Variants in MAP2K1 observed in about 807,000 individuals in gnomAD.
MAP2K1 encodes the protein dual specificity mitogen-activated protein kinase kinase 1.
Under a neutral mutation model 46.3 loss-of-function variants are expected in MAP2K1, and 16 were observed. The observed-to-expected ratio is 0.35, with a 90% CI of 0.23 to 0.52. MAP2K1 has a LOEUF of 0.52. Among genes scored for constraint, MAP2K1 ranks in the 20% least tolerant of loss-of-function variants. The pLI, the probability that MAP2K1 is intolerant of heterozygous loss-of-function variation, is 0.94. For missense variants in MAP2K1, 263 were observed against 497.1 expected, an observed-to-expected ratio of 0.53 and a Z score of 4.48; for synonymous variants, 183 against 185.6, an observed-to-expected ratio of 0.99 and a Z score of 0.11.
intron 1 of MAP2K1, among the ~76,000 whole-genome samples, chr15:66,401,631 A>G (rs562556361): frequency 3.2e-4 from 49 of 152,116 alleles, no homozygotes; most frequent in Non-Finnish European, 5.6e-4. Context: ...GGAGCACAAG[A>G]AGGAGGAAAC....
chr15:66,422,932 T>A (rs1175631988), intron 1 of MAP2K1, among the ~76,000 whole-genome samples: 1 of 152,142 alleles, frequency 6.6e-6, no homozygotes, highest in Non-Finnish European at 1.5e-5. Flanking sequence ...TTTTTTTTGC[T>A]TTAGTTTGGT....
At chr15:66,411,375 G>A (rs1439408626) in intron 1 of MAP2K1, among the ~76,000 whole-genome samples, 5 of 152,212 alleles carry the variant, frequency 3.3e-5, no homozygotes, top group African/African-American at 1.2e-4. Context: ...TTCCCAGGAA[G>A]TAGCTTCTTA....
chr15:66,481,264 A>G (rs1426656375), intron 5 of MAP2K1, among the ~76,000 whole-genome samples: 1 of 152,186 alleles, frequency 6.6e-6, no homozygotes, highest in Non-Finnish European at 1.5e-5. Flanking sequence ...CACATGCTCC[A>G]TGCCTGGTGC....
At chr15:66,442,030 G>T (rs1201446584) in intron 3 of MAP2K1, among the ~76,000 whole-genome samples, 1 of 152,128 alleles carries the variant, frequency 6.6e-6, no homozygotes, top group Non-Finnish European at 1.5e-5. Flanking sequence ...CCCTTAACGG[G>T]AGCCCCTGGT....
At position 66,387,200 on chromosome 15, in the gene MAP2K1, G is replaced by GGAC. The variant is rs983840717; in HGVS notation, c.-147_-145dup. The stretch of plus-strand genomic sequence containing the variant: ...CGCTACCGGCCCCTCGGCGCTGACG[G>GGAC]GACCGCGCGGGGCGCACCCGCTGAA... On this transcript the variant is annotated 5_prime_UTR_variant, in exon 1 of 11. Transcript: ENST00000307102. 7 of 581,938 alleles carry GGAC rather than the reference G, an allele frequency of 1.2e-5. No homozygotes were observed. The highest frequency in any genetic ancestry group is 2.1e-5 in the Non-Finnish European group (7 of 340,812). 36.0% of individuals were successfully genotyped at this position (581,938 alleles called of 1,614,324 possible).
chr15:66,404,974 G>C (rs536562082), intron 1 of MAP2K1, among the ~76,000 whole-genome samples: 22 of 152,288 alleles, frequency 1.4e-4, no homozygotes, highest in African/African-American at 5.1e-4. Context: ...AAAGAGAGTA[G>C]GATAAGTCAG....
At chr15:66,409,862 AT>A (rs1595844972) in intron 1 of MAP2K1, among the ~76,000 whole-genome samples, 1 of 152,216 alleles carries the variant, frequency 6.6e-6, no homozygotes, top group Non-Finnish European at 1.5e-5. Context: ...TTTTTAAAGA[AT>A]TTTTTTCTGT....
rs749505069 is a variant in MAP2K1 at position 66,436,734 on chromosome 15, A to G, written c.292-12A>G. ...CTTTCATAAAACCTCTCTTTCTTCC[A>G]CCTTTCTCCAGCTAATTCATCTGGA... On this transcript the variant is annotated splice_polypyrimidine_tract_variant and intron_variant, in intron 2 of 10. Coordinates refer to ENST00000307102, the MANE Select transcript of MAP2K1 (RefSeq NM_002755.4). The G allele has an allele frequency of 6.6e-5, 106 of 1,613,308 alleles. No individual in the cohort carries two copies. Among genetic ancestry groups the G allele is most frequent in the Non-Finnish European group, 5.1e-6 (6 of 1,179,696 alleles).
At chr15:66,475,397 T>G (rs1335196251) in intron 5 of MAP2K1, among the ~76,000 whole-genome samples, 2 of 152,192 alleles carry the variant, frequency 1.3e-5, no homozygotes, top group Non-Finnish European at 2.9e-5. Flanking sequence ...GGATTCAGCC[T>G]TTGTCACAGA....
At chr15:66,472,522 C>T (rs891606961) in intron 5 of MAP2K1, among the ~76,000 whole-genome samples, 1 of 152,042 alleles carries the variant, frequency 6.6e-6, no homozygotes, top group Non-Finnish European at 1.5e-5. Context: ...ATGAGATCAC[C>T]GTGGCCAGGT....
chr15:66,400,944 GA>G (rs1595840022), intron 1 of MAP2K1, among the ~76,000 whole-genome samples: 1 of 152,258 alleles, frequency 6.6e-6, no homozygotes, highest in East Asian at 1.9e-4. Flanking sequence ...TAAAATTTTT[GA>G]ATGTATGAAT....
At chr15:66,414,275 GT>G (rs2093419342) in intron 1 of MAP2K1, among the ~76,000 whole-genome samples, 2 of 118,954 alleles carry the variant, frequency 1.7e-5, no homozygotes, top group African/African-American at 5.6e-5. Flanking sequence ...AATCTAAGGG[GT>G]TTCCTGACCA....
Position 66,413,786 on chromosome 15 carries a change from G to A in MAP2K1, c.81-21241G>A, listed in dbSNP as rs117202766. 4.7e-4 allele frequency among the ~76,000 whole-genome samples: 71 copies of A among 152,282 alleles called. 3 individuals carry two copies. In the East Asian group the frequency reaches 0.013, roughly 27 times the overall value. On this transcript the variant is annotated intron_variant, in intron 1 of 10. Transcript: ENST00000307102. Reference sequence around the variant, plus strand: ...GTGTGTGATACAGCACAGGCTATGGGAACTCAAAGGGTGAGTGACTAACGC... The same window carrying A: ...GTGTGTGATACAGCACAGGCTATGGAAACTCAAAGGGTGAGTGACTAACGC...
intron 10 of MAP2K1, 50 bp from the exon 11 acceptor site, chr15:66,490,448 TTTTG>T (rs753226868): frequency 2.3e-5 from 30 of 1,295,308 alleles, no homozygotes; most frequent in Admixed American, 5.0e-5. Context: ...TCCTGGTGGG[TTTTG>T]TTTTTTTGTT....
In MAP2K1 at chr15:66,387,356, G is replaced by A. The variant is rs1208310528; in HGVS notation, c.9G>A (p.Lys3=). 1.3e-6 allele frequency: 2 copies of A among 1,562,952 alleles called. No homozygotes were observed. Among genetic ancestry groups the A allele is most frequent in the Non-Finnish European group, 1.7e-6 (2 of 1,153,022 alleles). The change falls in exon 1 of 11, where the codon AAG becomes AAA. Residue 3 remains lysine, a synonymous_variant. Coordinates refer to ENST00000307102, the MANE Select transcript of MAP2K1 (RefSeq NM_002755.4). ...CGTTACCCGGGTCCAAAATGCCCAA[G>A]AAGAAGCCGACGCCCATCCAGCTGA... MP[K]KKPTPIQLNP...
intron 1 of MAP2K1, among the ~76,000 whole-genome samples, chr15:66,433,029 G>C: frequency 7.4e-6 from 1 of 135,120 alleles, no homozygotes; most frequent in South Asian, 2.5e-4. Context: ...TGCATTTCTA[G>C]CTGGCCTGCT....
chr15:66,475,534 A>G (rs1332180515), intron 5 of MAP2K1, among the ~76,000 whole-genome samples: 1 of 151,874 alleles, frequency 6.6e-6, no homozygotes, highest in African/African-American at 2.4e-5. Context: ...CTCTTCCCCC[A>G]AGCCCCACCG....
intron 5 of MAP2K1, among the ~76,000 whole-genome samples, chr15:66,460,405 G>T (rs1447021659): frequency 1.3e-5 from 2 of 152,188 alleles, no homozygotes; most frequent in Non-Finnish European, 2.9e-5. Flanking sequence ...AGTTATATAT[G>T]TGGCAGGGTC....
At chr15:66,488,644 C>A in intron 8 of MAP2K1, 1 of 185,440 alleles carries the variant, frequency 5.4e-6, no homozygotes, top group Admixed American at 5.4e-5. Context: ...AACATTCTTC[C>A]AGATCCAGCC....
Sources: gnomAD v4.1 joint callset for allele counts (sites outside exome capture counted in the v4.1 genomes callset) on GRCh38, gnomAD v4.1.1 for gene constraint, MANE v1.5 for transcripts, NCBI Gene and HGNC (gene_info 2026-07-23, HGNC 2026-07-21) for gene names.